NELL1: variants seen among roughly 807,000 people sequenced by gnomAD.
The protein encoded by NELL1 is neural EGFL like 1, also known as protein kinase C-binding protein NELL1.
A neutral mutation model predicts 107.4 loss-of-function variants in NELL1; 76 were observed. The observed-to-expected ratio is 0.71, with a 90% CI of 0.59 to 0.86. The LOEUF is 0.86. Ranked by LOEUF, NELL1 falls within the 40% of genes least tolerant of loss-of-function variation. The pLI is 0.00. For missense variants in NELL1, 1,024 were observed against 1,005.5 expected, an observed-to-expected ratio of 1.02 and a Z score of -0.25; for synonymous variants, 353 against 341.2, an observed-to-expected ratio of 1.03 and a Z score of -0.38.
chr11:21,484,016 T>TGTC, intron 15 of NELL1, among the ~76,000 whole-genome samples: 1 of 138,060 alleles, frequency 7.2e-6, no homozygotes, highest in Non-Finnish European at 1.6e-5. Flanking sequence ...TATATATATA[T>TGTC]ATATATATAT....
chr11:21,468,566 CA>C (rs1413769071), intron 15 of NELL1, among the ~76,000 whole-genome samples: 6 of 152,074 alleles, frequency 3.9e-5, no homozygotes, highest in African/African-American at 1.4e-4. Context: ...TTTGCTTCTA[CA>C]GTGGCAAATT....
chr11:20,735,071 G>C (rs1855730535), intron 2 of NELL1, among the ~76,000 whole-genome samples: 1 of 152,140 alleles, frequency 6.6e-6, no homozygotes, highest in Non-Finnish European at 1.5e-5. Flanking sequence ...ATTAGGAAGA[G>C]AAGAAGGAGC....
intron 4 of NELL1, among the ~76,000 whole-genome samples, chr11:20,879,844 G>C (rs977767926): frequency 1.3e-5 from 2 of 152,040 alleles, no homozygotes; most frequent in Non-Finnish European, 2.9e-5. Flanking sequence ...GCCAAAAAGA[G>C]TTAAAGAAAG....
chr11:21,302,874 A>G (rs891036463), intron 14 of NELL1, among the ~76,000 whole-genome samples: 1 of 151,646 alleles, frequency 6.6e-6, no homozygotes, highest in African/African-American at 2.4e-5. Context: ...TGGGCAGTAT[A>G]GTGAGACCCT....
intron 18 of NELL1, among the ~76,000 whole-genome samples, chr11:21,571,892 C>T (rs1006889401): frequency 5.3e-5 from 8 of 151,814 alleles, no homozygotes; most frequent in Admixed American, 1.3e-4. Flanking sequence ...TTAACATTTG[C>T]TGACATGAAT....
At chr11:21,555,124 C>T (rs751801092) in intron 16 of NELL1, among the ~76,000 whole-genome samples, 8 of 151,736 alleles carry the variant, frequency 5.3e-5, no homozygotes, top group Non-Finnish European at 8.8e-5. Flanking sequence ...GTGTATCTGG[C>T]ATAGAGTAGA....
chr11:21,242,657 A>AAAAATTACT (rs1349271231), intron 14 of NELL1, among the ~76,000 whole-genome samples: 7 of 152,070 alleles, frequency 4.6e-5, no homozygotes, highest in Non-Finnish European at 8.8e-5. Context: ...GCCTACACGT[A>AAAAATTACT]AAAATTACTG....
At chr11:21,050,118 A>T (rs1477374744) in intron 12 of NELL1, among the ~76,000 whole-genome samples, 1 of 152,188 alleles carries the variant, frequency 6.6e-6, no homozygotes, top group African/African-American at 2.4e-5. Context: ...AAAAAATATA[A>T]GATATAATTA....
At chr11:20,770,395 G>A (rs994392971) in intron 2 of NELL1, among the ~76,000 whole-genome samples, 10 of 152,164 alleles carry the variant, frequency 6.6e-5, no homozygotes, top group African/African-American at 2.4e-4. Flanking sequence ...CACATCCATA[G>A]CCCCTTTTCT....
intron 12 of NELL1, among the ~76,000 whole-genome samples, chr11:20,975,870 T>C (rs922283909): frequency 3.1e-5 from 4 of 130,088 alleles, no homozygotes; most frequent in African/African-American, 1.1e-4. Context: ...GTGTATTATA[T>C]ATACACATAC....
chr11:21,009,960 G>C (rs184979456), intron 12 of NELL1, among the ~76,000 whole-genome samples: 1 of 75,574 alleles, frequency 1.3e-5, no homozygotes, highest in South Asian at 3.7e-4. Context: ...CCACTGTTAC[G>C]GGCCCTGCCA....
At chr11:20,955,158 G>A (rs1451561373) in intron 11 of NELL1, among the ~76,000 whole-genome samples, 1 of 152,188 alleles carries the variant, frequency 6.6e-6, no homozygotes, top group Non-Finnish European at 1.5e-5. Flanking sequence ...AAAACATCAA[G>A]CACTGCTAGT....
chr11:20,882,900 T>A lies in NELL1; in HGVS notation c.507-2544T>A, dbSNP rs139311097. ...AGCCTTTCTTTATTTTTCATGACAT[T>A]GACATTTTAAAGACCACAAGCAGTT... On this transcript the variant is annotated intron_variant, in intron 4 of 19. Transcript: ENST00000357134. 8.5e-4 allele frequency among the ~76,000 whole-genome samples: 129 copies of A among 152,364 alleles called. 1 individual carries two copies. The East Asian group carries it at 0.023, about 28-fold the overall frequency.
chr11:21,221,918 C>G (rs1168688134), intron 13 of NELL1, among the ~76,000 whole-genome samples: 3 of 152,054 alleles, frequency 2.0e-5, no homozygotes, highest in Non-Finnish European at 2.9e-5. Flanking sequence ...GTCTCTAACT[C>G]CTGGGCTCAA....
intron 3 of NELL1, among the ~76,000 whole-genome samples, chr11:20,800,890 A>T (rs894387891): frequency 6.6e-6 from 1 of 152,224 alleles, no homozygotes; most frequent in Admixed American, 6.5e-5. Flanking sequence ...TGCAGGCCAT[A>T]GTTGGCTTGT....
At chr11:20,741,097 C>T (rs1157170428) in intron 2 of NELL1, among the ~76,000 whole-genome samples, 3 of 150,398 alleles carry the variant, frequency 2.0e-5, no homozygotes, top group African/African-American at 7.3e-5. Flanking sequence ...CCCACCCCAT[C>T]CCCCGTTTTA....
At chr11:20,940,417 C>G (rs151203466) in intron 10 of NELL1, among the ~76,000 whole-genome samples, 5 of 152,116 alleles carry the variant, frequency 3.3e-5, no homozygotes, top group Non-Finnish European at 7.4e-5. Flanking sequence ...CGCCACCACA[C>G]CCAGCTAATT....
At chr11:21,126,857 C>G (rs922313481) in intron 13 of NELL1, among the ~76,000 whole-genome samples, 1 of 152,172 alleles carries the variant, frequency 6.6e-6, no homozygotes, top group African/African-American at 2.4e-5. Context: ...AAGTGGACTT[C>G]AAAACAGAGT....
chr11:20,746,263 G>A (rs954898897), intron 2 of NELL1, among the ~76,000 whole-genome samples: 2 of 152,158 alleles, frequency 1.3e-5, no homozygotes, highest in Non-Finnish European at 2.9e-5. Flanking sequence ...ATAGAATGAA[G>A]TTCTTTGGAA....
Sources: gnomAD v4.1 joint callset for allele counts (sites outside exome capture counted in the v4.1 genomes callset) on GRCh38, gnomAD v4.1.1 for gene constraint, MANE v1.5 for transcripts, NCBI Gene and HGNC (gene_info 2026-07-23, HGNC 2026-07-21) for gene names.